The following LRP1B variants were observed in gnomAD, a reference collection of about 807,000 sequenced individuals.
The protein encoded by LRP1B is low-density lipoprotein receptor-related protein 1B.
In LRP1B, 217 loss-of-function variants were observed where a neutral mutation model predicts 556.6. The ratio of observed to expected loss-of-function variants is 0.39; its 90% CI spans 0.35 to 0.44. The LOEUF is 0.44. Ranked by LOEUF, LRP1B falls within the 20% of genes least tolerant of loss-of-function variation. LRP1B has a pLI of 1.00. For synonymous variants in LRP1B, 2,047 were observed against 1,865.8 expected (o/e 1.10, Z -2.50); for missense variants, 5,053 against 5,620.8 (o/e 0.90, Z 3.23).
chr2:140,423,585 A>G (rs1685538671), intron 66 of LRP1B, among the ~76,000 whole-genome samples: 1 of 152,164 alleles, frequency 6.6e-6, no homozygotes, highest in South Asian at 2.1e-4. Context: ...AGAATTGATT[A>G]TCTCTACTAA....
chr2:141,481,849 A>G (rs1211923136), intron 2 of LRP1B, among the ~76,000 whole-genome samples: 1 of 152,180 alleles, frequency 6.6e-6, no homozygotes, highest in Non-Finnish European at 1.5e-5. Context: ...CTCTTAGAAT[A>G]CTGTCTGGCA....
At chr2:140,259,757 ATAAATT>A (rs760313154) in intron 86 of LRP1B, among the ~76,000 whole-genome samples, 7 of 152,038 alleles carry the variant, frequency 4.6e-5, no homozygotes, top group Non-Finnish European at 8.8e-5. Flanking sequence ...AAACAGACAT[ATAAATT>A]TAAAGAAGCC....
chr2:140,732,135 T>C (rs1006020519), intron 35 of LRP1B, among the ~76,000 whole-genome samples: 8 of 152,086 alleles, frequency 5.3e-5, no homozygotes, highest in Admixed American at 1.3e-4. Context: ...GAATTGAAGC[T>C]GGTGATGGGT....
intron 3 of LRP1B, among the ~76,000 whole-genome samples, chr2:141,433,431 T>C (rs555821231): frequency 7.9e-5 from 12 of 152,048 alleles, no homozygotes; most frequent in Admixed American, 5.2e-4. Context: ...TTCATATCTT[T>C]TATTTTCTTA....
At chr2:141,204,107 T>C (rs1399577597) in intron 6 of LRP1B, among the ~76,000 whole-genome samples, 1 of 152,198 alleles carries the variant, frequency 6.6e-6, no homozygotes, top group South Asian at 2.1e-4. Flanking sequence ...CACCCTAACG[T>C]CTTTGCCCAA....
rs188231045 is a variant in LRP1B at position 140,663,079 on chromosome 2, G to A, written c.6799+37171C>T. Among the ~76,000 whole-genome samples the A allele has an allele frequency of 4.0e-3, 602 of 152,148 alleles. 1 individual carries two copies. The highest frequency in any genetic ancestry group is 6.9e-3 in the Non-Finnish European group (470 of 67,988). On this transcript the variant is annotated intron_variant, in intron 41 of 90. Transcript: ENST00000389484. ...CAGAACATGATTGAACAGCACACAA[G>A]AATTTCAGCTCAATGATATGTTAAA...
At chr2:141,171,711 C>T (rs1226460950) in intron 7 of LRP1B, among the ~76,000 whole-genome samples, 1 of 151,852 alleles carries the variant, frequency 6.6e-6, no homozygotes, top group Non-Finnish European at 1.5e-5. Flanking sequence ...TGGCTTGAGT[C>T]TGAATCCTGA....
chr2:141,192,163 T>C (rs1681544050), intron 6 of LRP1B, among the ~76,000 whole-genome samples: 1 of 151,856 alleles, frequency 6.6e-6, no homozygotes, highest in South Asian at 2.1e-4. Flanking sequence ...TTAATTTGTA[T>C]TAGAATTAAA....
At position 140,299,761 on chromosome 2, in the gene LRP1B, A is replaced by C. The variant is rs1057161545; in HGVS notation, c.12806-1792T>G. ...AAACAACAGAAGTAATTCTTCAATT[A>C]CAGTCAATGGATACCTTACAGAGAT... is the stretch of plus-strand genomic sequence containing the variant. On this transcript the variant is annotated intron_variant, in intron 83 of 90. Transcript: ENST00000389484. 3.9e-5 allele frequency among the ~76,000 whole-genome samples: 6 copies of C among 152,256 alleles called. No individual in the cohort carries two copies. The East Asian group carries it at 1.2e-3, about 29-fold the overall frequency.
intron 1 of LRP1B, among the ~76,000 whole-genome samples, chr2:141,823,233 A>C (rs1360380825): frequency 1.3e-5 from 2 of 152,088 alleles, no homozygotes; most frequent in Non-Finnish European, 2.9e-5. Flanking sequence ...TCTACTAAAA[A>C]GAAAAAAGAA....
intron 1 of LRP1B, among the ~76,000 whole-genome samples, chr2:141,998,724 G>T (rs1255809906): frequency 6.6e-6 from 1 of 152,188 alleles, no homozygotes; most frequent in Non-Finnish European, 1.5e-5. Context: ...CGGTCTGAAA[G>T]GTGGGACAAC....
rs145689204 is a variant in LRP1B, at chr2:141,127,953, T to C, written c.1013+60468A>G. ...GTGAGCTACCAGATACAATAAGATA[T>C]GTGGTGAAATTATGAGAAATCATTT... On this transcript the variant is annotated intron_variant, in intron 7 of 90. Transcript: ENST00000389484. Among the ~76,000 whole-genome samples the C allele has an allele frequency of 2.3e-3, 354 of 152,328 alleles. 2 individuals are homozygous for C. Among genetic ancestry groups the C allele is most frequent in the African/African-American group, 7.8e-3 (323 of 41,584 alleles).
chr2:140,778,385 A>G (rs1446587195), intron 32 of LRP1B, among the ~76,000 whole-genome samples: 1 of 152,224 alleles, frequency 6.6e-6, no homozygotes, highest in African/African-American at 2.4e-5. Context: ...AAAGCTTTCA[A>G]ATGAAGATTA....
At chr2:141,706,738 A>G (rs946240162) in intron 2 of LRP1B, among the ~76,000 whole-genome samples, 2 of 152,254 alleles carry the variant, frequency 1.3e-5, no homozygotes, top group South Asian at 2.1e-4. Flanking sequence ...AGGCCAAAAA[A>G]GTATGGATTA....
chr2:140,900,979 C>T (rs529587050), intron 23 of LRP1B, among the ~76,000 whole-genome samples: 1 of 152,234 alleles, frequency 6.6e-6, no homozygotes, highest in Non-Finnish European at 1.5e-5. Flanking sequence ...TATATGGGTT[C>T]TTATCAGTCT....
chr2:140,533,968 T>C lies in LRP1B; in HGVS notation c.7762+53A>G, dbSNP rs1690832856. 4.4e-6 allele frequency: 7 copies of C among 1,601,698 alleles called. No homozygotes were observed. In the South Asian group the frequency reaches 7.8e-5, roughly 18 times the overall value. ...TCTCAGAAACGAATGTTGGAAAAGTTCAGGAAACACTTAGCACACCAATAT... is the reference window on the plus strand; with the variant it reads ...TCTCAGAAACGAATGTTGGAAAAGTCCAGGAAACACTTAGCACACCAATAT... On this transcript the variant is annotated intron_variant, in intron 47 of 90. Transcript: ENST00000389484.
At chr2:140,755,381 A>G (rs1559099080) in intron 35 of LRP1B, among the ~76,000 whole-genome samples, 1 of 152,058 alleles carries the variant, frequency 6.6e-6, no homozygotes. Flanking sequence ...ATACTGACCA[A>G]CATCTTTTAT....
At chr2:141,858,863 G>A (rs887098414) in intron 1 of LRP1B, among the ~76,000 whole-genome samples, 2 of 152,140 alleles carry the variant, frequency 1.3e-5, no homozygotes, top group African/African-American at 4.8e-5. Context: ...TGTAAGAAAT[G>A]AAGGAAATTA....
chr2:141,304,446 A>G (rs969412661), intron 3 of LRP1B, among the ~76,000 whole-genome samples: 1 of 145,566 alleles, frequency 6.9e-6, no homozygotes, highest in African/African-American at 2.5e-5. Flanking sequence ...CTTTTTGTAT[A>G]TTGAGAAAGT....
Sources: gnomAD v4.1 joint callset for allele counts (sites outside exome capture counted in the v4.1 genomes callset) on GRCh38, gnomAD v4.1.1 for gene constraint, MANE v1.5 for transcripts, NCBI Gene and HGNC (gene_info 2026-07-23, HGNC 2026-07-21) for gene names.